Variants in FAM222B observed in about 807,000 individuals in gnomAD.
FAM222B encodes protein FAM222B.
In FAM222B, 12 loss-of-function variants were observed where a neutral mutation model predicts 38.0. The ratio of observed to expected loss-of-function variants is 0.32; its 90% CI spans 0.20 to 0.51. The LOEUF is 0.51. Ranked by LOEUF, FAM222B falls within the 20% of genes least tolerant of loss-of-function variation. The pLI, the probability that FAM222B is intolerant of heterozygous loss-of-function variation, is 0.97. For synonymous variants in FAM222B, 329 were observed against 317.2 expected (o/e 1.04, Z -0.40); for missense variants, 716 against 754.2 (o/e 0.95, Z 0.59).
chr17:28,771,148 T>A (rs900177664), intron 1 of FAM222B, among the ~76,000 whole-genome samples: 1 of 151,904 alleles, frequency 6.6e-6, no homozygotes, highest in Admixed American at 6.6e-5. Context: ...GAAGGCTTTA[T>A]AAAAGAACAG....
At chr17:28,851,744 G>A (rs914918608) in intron 1 of FAM222B, among the ~76,000 whole-genome samples, 5 of 151,250 alleles carry the variant, frequency 3.3e-5, no homozygotes, top group South Asian at 2.1e-4. Context: ...GTGTGGTGGC[G>A]GGCACCTGTA....
chr17:28,766,121 A>T (rs1003983844), intron 2 of FAM222B, among the ~76,000 whole-genome samples: 8 of 152,144 alleles, frequency 5.3e-5, no homozygotes, highest in African/African-American at 1.7e-4. Context: ...TATCAGCAAC[A>T]ATTAAAATTG....
chr17:28,846,168 A>C (rs2039144455), upstream of FAM222B, among the ~76,000 whole-genome samples: 1 of 145,386 alleles, frequency 6.9e-6, no homozygotes, highest in African/African-American at 2.6e-5. Flanking sequence ...ATGCCACTGC[A>C]CTCCAGCCTG....
At chr17:28,835,249 A>G (rs1350308156) in intron 1 of FAM222B, among the ~76,000 whole-genome samples, 1 of 151,992 alleles carries the variant, frequency 6.6e-6, no homozygotes, top group South Asian at 2.1e-4. Flanking sequence ...CTTGGCCAGG[A>G]TGGTATTGAA....
chr17:28,798,920 T>C (rs2037075147), intron 1 of FAM222B, among the ~76,000 whole-genome samples: 1 of 151,230 alleles, frequency 6.6e-6, no homozygotes, highest in Non-Finnish European at 1.5e-5. Context: ...CCAGGCCACT[T>C]GCACCTTTAA....
chr17:28,788,770 C>T (rs890485693), intron 1 of FAM222B, among the ~76,000 whole-genome samples: 2 of 152,048 alleles, frequency 1.3e-5, no homozygotes, highest in African/African-American at 4.8e-5. Context: ...GAGTCAGAGT[C>T]TCACTCTGTC....
chr17:28,833,843 T>A (rs1282993486), intron 1 of FAM222B, among the ~76,000 whole-genome samples: 1 of 152,160 alleles, frequency 6.6e-6, no homozygotes, highest in Non-Finnish European at 1.5e-5. Context: ...GTATCTCCCT[T>A]CTGAACCTTT....
intron 2 of FAM222B, 76 bp downstream of exon 2, chr17:28,766,510 T>G: frequency 5.8e-6 from 7 of 1,215,238 alleles, no homozygotes; most frequent in Non-Finnish European, 8.3e-6. Flanking sequence ...GTACCCCAGA[T>G]GTGCTTCAAG....
intron 1 of FAM222B, among the ~76,000 whole-genome samples, chr17:28,830,829 A>AAAAAT (rs977374542): frequency 6.6e-6 from 1 of 151,414 alleles, no homozygotes; most frequent in African/African-American, 2.4e-5. Flanking sequence ...CTATTAAAAA[A>AAAAAT]AAAATAAAAT....
intron 1 of FAM222B, among the ~76,000 whole-genome samples, chr17:28,801,697 A>G (rs943927948): frequency 2.0e-5 from 3 of 152,104 alleles, no homozygotes; most frequent in African/African-American, 7.2e-5. Context: ...ACAGGAACCC[A>G]GTAAATGGGA....
chr17:28,850,840 G>A (rs187866598), intron 1 of FAM222B, among the ~76,000 whole-genome samples: 37 of 152,200 alleles, frequency 2.4e-4, no homozygotes, highest in Admixed American at 9.8e-4. Context: ...AAAATGTTCC[G>A]CCAGGCATGG....
upstream of FAM222B, among the ~76,000 whole-genome samples, chr17:28,843,290 A>G (rs1460008528): frequency 6.6e-6 from 1 of 150,576 alleles, no homozygotes; most frequent in African/African-American, 2.5e-5. Flanking sequence ...GGCATGCACC[A>G]CCACGCCCAG....
At chr17:28,848,284 G>A (rs2039159093) in intron 1 of FAM222B, among the ~76,000 whole-genome samples, 1 of 152,062 alleles carries the variant, frequency 6.6e-6, no homozygotes, top group South Asian at 2.1e-4. Flanking sequence ...CAATCATCAT[G>A]GGCTAGAGAA....
chr17:28,808,547 A>C (rs950250390), intron 1 of FAM222B, among the ~76,000 whole-genome samples: 3 of 152,218 alleles, frequency 2.0e-5, no homozygotes, highest in African/African-American at 7.2e-5. Context: ...CCAACAATAA[A>C]TTCTACATCC....
intron 1 of FAM222B, among the ~76,000 whole-genome samples, chr17:28,788,237 T>C (rs1486744651): frequency 2.0e-5 from 3 of 152,182 alleles, no homozygotes; most frequent in Non-Finnish European, 4.4e-5. Flanking sequence ...TCATTCAGAA[T>C]TGCTTTTTTG....
chr17:28,832,184 C>T (rs2038691317), intron 1 of FAM222B, among the ~76,000 whole-genome samples: 1 of 151,400 alleles, frequency 6.6e-6, no homozygotes, highest in Non-Finnish European at 1.5e-5. Flanking sequence ...AGCAAGACTC[C>T]ATCTCAAAAA....
At chr17:28,848,451 C>T (rs553081838) in intron 1 of FAM222B, among the ~76,000 whole-genome samples, 2 of 152,104 alleles carry the variant, frequency 1.3e-5, no homozygotes, top group African/African-American at 4.8e-5. Context: ...ATCCACTATT[C>T]TGCCCTTGGT....
At chr17:28,819,068 A>C (rs1274304645) in intron 1 of FAM222B, among the ~76,000 whole-genome samples, 2 of 152,226 alleles carry the variant, frequency 1.3e-5, no homozygotes, top group Non-Finnish European at 2.9e-5. Flanking sequence ...ATTATAACCA[A>C]CACAGAGCCA....
At chr17:28,776,090 A>T (rs1443716568) in intron 1 of FAM222B, among the ~76,000 whole-genome samples, 1 of 144,856 alleles carries the variant, frequency 6.9e-6, no homozygotes, top group Non-Finnish European at 1.5e-5. Context: ...AAAAAAAAAG[A>T]AAAAAAAAAG....
Sources: gnomAD v4.1 joint callset for allele counts (sites outside exome capture counted in the v4.1 genomes callset) on GRCh38, gnomAD v4.1.1 for gene constraint, MANE v1.5 for transcripts, NCBI Gene and HGNC (gene_info 2026-07-23, HGNC 2026-07-21) for gene names.